Variants in ZNF236 observed in about 807,000 individuals in gnomAD.
The protein encoded by ZNF236 is regulated by glucose.
ZNF236 carries 50 observed loss-of-function variants against 191.2 expected under a neutral mutation model. The observed-to-expected ratio is 0.26, with a 90% CI of 0.21 to 0.33. The LOEUF (loss-of-function observed/expected upper bound fraction) is 0.33. ZNF236 is among the 10% of genes least tolerant of loss of function. ZNF236 has a pLI of 1.00. For missense variants in ZNF236, 1,754 were observed against 2,374.5 expected, an observed-to-expected ratio of 0.74 and a Z score of 5.43; for synonymous variants, 907 against 928.8, an observed-to-expected ratio of 0.98 and a Z score of 0.43.
intron 3 of ZNF236, among the ~76,000 whole-genome samples, chr18:76,861,534 A>G (rs1440785424): frequency 1.3e-5 from 2 of 152,354 alleles, no homozygotes; most frequent in East Asian, 3.9e-4. Flanking sequence ...AAGAATCAGT[A>G]TTGGAGCACA....
At position 76,927,936 on chromosome 18, in the gene ZNF236, A is replaced by G. The variant is rs1967748414; in HGVS notation, c.4424A>G (p.Asp1475Gly). 2 of 1,595,966 alleles carry G rather than the reference A, an allele frequency of 1.3e-6. No homozygotes were observed. The highest frequency in any genetic ancestry group is 1.7e-6 in the Non-Finnish European group (2 of 1,170,620). Residue 1475 changes from aspartate to glycine, a missense_variant, in exon 25 of 31, where the codon GAC (aspartate) becomes GGC (glycine). This residue lies in a region of ZNF236 where 606 missense variants were observed against 761.5 expected (regional missense o/e 0.80). Coordinates refer to ENST00000320610, the MANE Select transcript of ZNF236 (RefSeq NM_001306089.2). The surrounding 1 kb of genome is among the most constrained non-coding windows in gnomAD (Gnocchi z 5.4). Reference protein sequence around the residue: ...VLTTNSSGTQDLTQVMTSQGL... With the variant: ...VLTTNSSGTQGLTQVMTSQGL... The stretch of plus-strand genomic sequence containing the variant: ...TTGTAATGACAATCAGGGACCCAAG[A>G]CCTCACTCAAGTGATGACTTCGCAA...
At chr18:76,857,260 C>A (rs1257623958) in intron 3 of ZNF236, among the ~76,000 whole-genome samples, 2 of 152,220 alleles carry the variant, frequency 1.3e-5, no homozygotes, top group African/African-American at 4.8e-5. Context: ...ACTCTCTCAT[C>A]CTGAATGCTC....
In ZNF236 at chr18:76,937,264, G is replaced by C; in HGVS notation, c.4703G>C (p.Ser1568Thr). The change falls in exon 26 of 31, where the codon AGT becomes ACT. Residue 1568 changes from serine to threonine, a missense_variant. Physicochemically the swap from Ser to Thr is moderately conservative, Grantham distance 58. This residue lies in a region of ZNF236 where 606 missense variants were observed against 761.5 expected (regional missense o/e 0.80). Transcript: ENST00000320610. ...TCGTCGGGCGTGGGAGGTGACGCTA[G>C]TGTCACGCTGACGCTGGCCGATACT... ...MSSSGVGGDA[S>T]VTLTLADTQG... 1 of 1,614,194 alleles carries C rather than the reference G, an allele frequency of 6.2e-7. No individual in the cohort carries two copies. The highest frequency in any genetic ancestry group is 8.5e-7 in the Non-Finnish European group (1 of 1,180,034).
Position 76,851,774 on chromosome 18 carries a change from G to T in ZNF236, c.199-1G>T, listed in dbSNP as rs1473748272. 1.2e-6 allele frequency: 2 copies of T among 1,606,334 alleles called. No individual in the cohort carries two copies. On this transcript the variant is annotated splice_acceptor_variant, in intron 2 of 30. Transcript: ENST00000320610. LOFTEE classifies it high-confidence loss of function. ...GCTTCTTCACTTTTCTCTCCAAATA[G>T]CCACATCGATGTGACCAGTGCCCCC...
intron 5 of ZNF236, 143 bp downstream of exon 5, chr18:76,871,968 G>T: frequency 9.5e-7 from 1 of 1,054,418 alleles, no homozygotes; most frequent in East Asian, 2.6e-5. Context: ...TACTCTTTGT[G>T]TGATTTTATT....
At chr18:76,857,101 T>G (rs537247234) in intron 3 of ZNF236, among the ~76,000 whole-genome samples, 1 of 151,814 alleles carries the variant, frequency 6.6e-6, no homozygotes, top group Non-Finnish European at 1.5e-5. Flanking sequence ...GTCCCCCCAG[T>G]TCCTATGTGG....
intron 18 of ZNF236, among the ~76,000 whole-genome samples, chr18:76,915,299 CAT>C: frequency 6.6e-6 from 1 of 152,248 alleles, no homozygotes; most frequent in Non-Finnish European, 1.5e-5. Flanking sequence ...GTAGAATCCA[CAT>C]GTTGCCAGTT....
At chr18:76,911,707 G>A (rs1446238741) in intron 16 of ZNF236, among the ~76,000 whole-genome samples, 5 of 152,132 alleles carry the variant, frequency 3.3e-5, no homozygotes, top group Non-Finnish European at 7.3e-5. Context: ...TGTGAGCATG[G>A]ATCTATTATA....
chr18:76,869,020 G>A (rs1976507978), intron 4 of ZNF236, among the ~76,000 whole-genome samples, 157 bp downstream of exon 4: 1 of 152,162 alleles, frequency 6.6e-6, no homozygotes, highest in African/African-American at 2.4e-5. Context: ...AACATGCATG[G>A]TGCATCCCTA....
chr18:76,835,566 T>C (rs766836630), intron 1 of ZNF236, among the ~76,000 whole-genome samples: 1 of 152,172 alleles, frequency 6.6e-6, no homozygotes, highest in African/African-American at 2.4e-5. Context: ...GTAATGACTT[T>C]TGCCTTAAAG....
chr18:76,908,536 C>T lies in ZNF236; in HGVS notation c.2514C>T (p.Gly838=), dbSNP rs1370933940. 9 of 1,612,438 alleles carry T rather than the reference C, an allele frequency of 5.6e-6. No individual in the cohort carries two copies. Among genetic ancestry groups the T allele is most frequent in the Non-Finnish European group, 5.9e-6 (7 of 1,179,504 alleles). ...TGGGCACGGAGGAAGCAGGGCTGGG[C>T]CAGCAGTTGGCAGATCAGCCCCTGG... The part of the protein sequence containing the change: ...HVVGTEEAGL[G]QQLADQPLEA... The change falls in exon 14 of 31, where the codon GGC becomes GGT. Residue 838 remains glycine (G), a synonymous_variant. Transcript: ENST00000320610.
At chr18:76,923,679 G>C (rs1418237673) in intron 21 of ZNF236, among the ~76,000 whole-genome samples, 1 of 152,094 alleles carries the variant, frequency 6.6e-6, no homozygotes, top group African/African-American at 2.4e-5. Context: ...TAGCGGTGGG[G>C]AGGCTGCCTC....
intron 28 of ZNF236, among the ~76,000 whole-genome samples, 154 bp downstream of exon 28, chr18:76,956,336 G>T (rs921561189): frequency 2.0e-5 from 3 of 152,200 alleles, no homozygotes; most frequent in African/African-American, 7.2e-5. Context: ...GTATTGTTCC[G>T]GTTGTAAGAG....
chr18:76,824,176 G>A, intron 1 of ZNF236: 1 of 633,696 alleles, frequency 1.6e-6, no homozygotes, highest in South Asian at 1.8e-5. Context: ...AAACTACAAA[G>A]GATTGTGTTA....
intron 3 of ZNF236, among the ~76,000 whole-genome samples, chr18:76,854,431 A>C (rs867849764): frequency 4.6e-4 from 70 of 152,062 alleles, no homozygotes; most frequent in Middle Eastern, 6.8e-3. Flanking sequence ...CAAAGTTATC[A>C]CTCATTATCA....
chr18:76,874,472 C>T (rs1035346135), intron 5 of ZNF236, among the ~76,000 whole-genome samples: 13 of 151,996 alleles, frequency 8.6e-5, no homozygotes, highest in Non-Finnish European at 1.9e-4. Flanking sequence ...GGGCCCTGTT[C>T]TAGGTGCTGA....
At position 76,927,073 on chromosome 18, in the gene ZNF236, G is replaced by A. The variant is rs549704643; in HGVS notation, c.4064G>A (p.Ser1355Asn). The change falls in exon 23 of 31, where the codon AGC becomes AAC. Residue 1355 changes from serine (S) to asparagine (N), a missense_variant. Coordinates refer to ENST00000320610, the MANE Select transcript of ZNF236 (RefSeq NM_001306089.2). The surrounding 1 kb of genome is among the most constrained non-coding windows in gnomAD (Gnocchi z 5.4). ...GDLTVSLTDG[S>N]LATLEGIQLQ... ...CTGACCGTGTCTCTGACAGATGGGA[G>A]CCTGGCTACCCTAGAAGGCATCCAG... is the stretch of plus-strand genomic sequence containing the variant. 5.6e-6 allele frequency: 9 copies of A among 1,613,780 alleles called. No individual in the cohort carries two copies. The South Asian group carries it at 6.6e-5, about 12-fold the overall frequency.
intron 13 of ZNF236, among the ~76,000 whole-genome samples, chr18:76,906,315 A>G (rs992349789): frequency 3.9e-5 from 6 of 152,172 alleles, no homozygotes; most frequent in African/African-American, 1.4e-4. Context: ...GGAGTGTGGT[A>G]TTGGCGGTGT....
intron 27 of ZNF236, among the ~76,000 whole-genome samples, chr18:76,949,378 T>A (rs1968349152): frequency 6.6e-6 from 1 of 152,210 alleles, no homozygotes. Context: ...ACTTCCATAT[T>A]CCATTAGATG....
Sources: allele counts gnomAD v4.1 joint callset (sites outside exome capture counted in the v4.1 genomes callset), GRCh38; gene constraint gnomAD v4.1.1; regional missense constraint gnomAD v4.1.1; non-coding constraint Gnocchi (gnomAD v3.1); transcripts MANE v1.5; gene names NCBI Gene and HGNC (gene_info 2026-07-23, HGNC 2026-07-21).